Variants in NSMAF observed in about 807,000 individuals in gnomAD.
NSMAF encodes neutral sphingomyelinase activation associated factor.
A neutral mutation model predicts 134.9 loss-of-function variants in NSMAF; 90 were observed. The observed-to-expected ratio is 0.67, with a 90% CI of 0.56 to 0.79. NSMAF has a LOEUF of 0.79. Ranked by LOEUF, NSMAF falls within the 30% of genes least tolerant of loss-of-function variation. The pLI is 0.00. For synonymous variants in NSMAF, 358 were observed against 389.6 expected, an observed-to-expected ratio of 0.92 and a Z score of 0.96; for missense variants, 1,010 against 1,119.0, an observed-to-expected ratio of 0.90 and a Z score of 1.39.
intron 23 of NSMAF, among the ~76,000 whole-genome samples, chr8:58,592,348 A>AC (rs1226258972): frequency 1.3e-5 from 2 of 152,196 alleles, no homozygotes; most frequent in Non-Finnish European, 2.9e-5. Context: ...AAGAAAAAAA[A>AC]AGACGTTTTT....
chr8:58,610,689 C>T (rs1007933828), intron 9 of NSMAF, among the ~76,000 whole-genome samples: 3 of 152,168 alleles, frequency 2.0e-5, no homozygotes, highest in Non-Finnish European at 4.4e-5. Context: ...GAAGAGAGAT[C>T]TTCAGGGAAA....
intron 1 of NSMAF, among the ~76,000 whole-genome samples, chr8:58,647,427 C>A (rs896335352): frequency 2.0e-5 from 3 of 152,192 alleles, no homozygotes; most frequent in Admixed American, 2.0e-4. Flanking sequence ...AACATCCCCC[C>A]AGTAATACAC....
At chr8:58,598,517 A>G (rs1257330049) in intron 19 of NSMAF, among the ~76,000 whole-genome samples, 2 of 150,680 alleles carry the variant, frequency 1.3e-5, no homozygotes, top group Non-Finnish European at 3.0e-5. Flanking sequence ...AAAAAGAAAA[A>G]AAAAAGAAAA....
At chr8:58,613,915 G>A (rs1284864327) in intron 9 of NSMAF, among the ~76,000 whole-genome samples, 1 of 152,070 alleles carries the variant, frequency 6.6e-6, no homozygotes, top group African/African-American at 2.4e-5. Flanking sequence ...AAAAATTTTT[G>A]AGTGCATTTC....
At position 58,620,979 on chromosome 8, in the gene NSMAF, C is replaced by T. The variant is rs575357750; in HGVS notation, c.557+2241G>A. Among the ~76,000 whole-genome samples, 19 of 152,154 alleles carry T rather than the reference C, an allele frequency of 1.2e-4. No homozygotes were observed. The East Asian group carries it at 1.7e-3, about 14-fold the overall frequency. On this transcript the variant is annotated intron_variant, in intron 9 of 30. Coordinates refer to ENST00000038176, the MANE Select transcript of NSMAF (RefSeq NM_003580.4). ...TAACTTTTATTTTAGTTTCAGGGTACATATGCAGGTTTGTTACATAGATAA... is the reference window on the plus strand; with the variant it reads ...TAACTTTTATTTTAGTTTCAGGGTATATATGCAGGTTTGTTACATAGATAA...
chr8:58,619,943 G>A (rs1489458032), intron 9 of NSMAF, among the ~76,000 whole-genome samples: 1 of 152,102 alleles, frequency 6.6e-6, no homozygotes, highest in African/African-American at 2.4e-5. Flanking sequence ...CTGGGGCCCT[G>A]CACTACCAGA....
chr8:58,632,559 G>C (rs898088579), intron 5 of NSMAF, among the ~76,000 whole-genome samples: 1 of 151,880 alleles, frequency 6.6e-6, no homozygotes, highest in Non-Finnish European at 1.5e-5. Context: ...TACTCCTTCC[G>C]TCTACTTTTG....
intron 9 of NSMAF, 144 bp from the exon 10 acceptor site, chr8:58,609,877 A>G (rs1806488228): frequency 1.3e-6 from 1 of 754,564 alleles, no homozygotes; most frequent in Non-Finnish European, 2.1e-6. Flanking sequence ...ATATAAATTG[A>G]TTGCTTAGAT....
intron 5 of NSMAF, among the ~76,000 whole-genome samples, chr8:58,634,536 G>A (rs866266500): frequency 5.3e-5 from 8 of 152,154 alleles, no homozygotes; most frequent in African/African-American, 2.4e-5. Context: ...CCCAAGGAAC[G>A]AGAGCTGTCA....
At chr8:58,602,248 A>G in intron 13 of NSMAF, 111 bp from the exon 14 acceptor site, 1 of 750,106 alleles carries the variant, frequency 1.3e-6, no homozygotes, top group South Asian at 1.9e-5. Flanking sequence ...AAAAATTGAG[A>G]GCAATCCATG....
chr8:58,649,230 T>G (rs1187192538), intron 1 of NSMAF, among the ~76,000 whole-genome samples: 1 of 152,244 alleles, frequency 6.6e-6, no homozygotes, highest in East Asian at 1.9e-4. Context: ...GTTTCAGACT[T>G]CAGTGAGGCC....
Position 58,657,464 on chromosome 8 carries a change from C to A in NSMAF, c.59+2109G>T, listed in dbSNP as rs146409525. 4.7e-3 allele frequency among the ~76,000 whole-genome samples: 708 copies of A among 152,256 alleles called. 7 individuals carry two copies. Among genetic ancestry groups the A allele is most frequent in the African/African-American group, 0.016 (667 of 41,524 alleles). ...GCCAATGACGAATCCAATCCATTTG[C>A]TAATTTGTGTTTATTGATGCAAGGG... On this transcript the variant is annotated intron_variant, in intron 1 of 30. Coordinates refer to ENST00000038176, the MANE Select transcript of NSMAF (RefSeq NM_003580.4).
chr8:58,610,131 C>T (rs905212305), intron 9 of NSMAF, among the ~76,000 whole-genome samples: 1 of 152,158 alleles, frequency 6.6e-6, no homozygotes, highest in African/African-American at 2.4e-5. Context: ...TTTCACACTA[C>T]ACTTTATAAG....
intron 1 of NSMAF, among the ~76,000 whole-genome samples, chr8:58,643,990 G>T (rs770788286): frequency 1.3e-5 from 2 of 152,156 alleles, no homozygotes; most frequent in Non-Finnish European, 2.9e-5. Flanking sequence ...AAGTCATTAA[G>T]AAAAATTATT....
chr8:58,597,816 T>C (rs748569540), intron 20 of NSMAF, 44 bp downstream of exon 20: 1 of 1,302,480 alleles, frequency 7.7e-7, no homozygotes, highest in African/African-American at 1.5e-5. Context: ...GATAAAGACA[T>C]ATCTTATAAC....
At chr8:58,588,152 T>C (rs1805934108) in intron 26 of NSMAF, among the ~76,000 whole-genome samples, 1 of 152,202 alleles carries the variant, frequency 6.6e-6, no homozygotes, top group Non-Finnish European at 1.5e-5. Flanking sequence ...TCTTGCTTTC[T>C]TTTACACCAA....
intron 9 of NSMAF, among the ~76,000 whole-genome samples, chr8:58,617,365 G>A (rs1170542315): frequency 6.6e-6 from 1 of 152,150 alleles, no homozygotes; most frequent in Non-Finnish European, 1.5e-5. Context: ...CCATCAGAGT[G>A]AACAGGCAAC....
intron 5 of NSMAF, among the ~76,000 whole-genome samples, chr8:58,634,597 A>T (rs75717007): frequency 6.6e-6 from 1 of 152,354 alleles, no homozygotes; most frequent in African/African-American, 2.4e-5. Flanking sequence ...GATGAAACCC[A>T]GAGCCAAAAG....
intron 2 of NSMAF, chr8:58,637,216 C>T (rs192375844): frequency 2.5e-6 from 1 of 405,700 alleles, no homozygotes; most frequent in Admixed American, 2.7e-5. Flanking sequence ...TTACAGTAGT[C>T]TTTGATACCT....
Sources: gnomAD v4.1 joint callset for allele counts (sites outside exome capture counted in the v4.1 genomes callset) on GRCh38, gnomAD v4.1.1 for gene constraint, MANE v1.5 for transcripts, NCBI Gene and HGNC (gene_info 2026-07-23, HGNC 2026-07-21) for gene names.